The following PKP4 variants were observed in gnomAD, a reference collection of about 807,000 sequenced individuals.
PKP4 encodes the protein plakophilin 4.
In PKP4, 90 loss-of-function variants were observed where a neutral mutation model predicts 145.1. The ratio of observed to expected loss-of-function variants is 0.62; its 90% confidence interval spans 0.52 to 0.74. PKP4 has a LOEUF of 0.74. Ranked by LOEUF, PKP4 falls within the 30% of genes least tolerant of loss-of-function variation. The pLI is 0.00. For missense variants in PKP4, 1,340 were observed against 1,482.7 expected (o/e 0.90, Z 1.58); for synonymous variants, 563 against 577.2 (o/e 0.98, Z 0.35).
At chr2:158,648,315 C>A (rs541702702) in intron 11 of PKP4, among the ~76,000 whole-genome samples, 169 of 152,216 alleles carry the variant, frequency 1.1e-3, no homozygotes, top group African/African-American at 3.9e-3. Flanking sequence ...TGATCATTAG[C>A]TCCATATTTT....
intron 1 of PKP4, chr2:158,457,757 CG>C (rs1689047734): frequency 1.3e-5 from 2 of 153,728 alleles, no homozygotes; most frequent in Non-Finnish European, 1.4e-5. Context: ...CGCGGTCTTG[CG>C]TTTGTCCCCG....
intron 4 of PKP4, among the ~76,000 whole-genome samples, chr2:158,617,156 T>C (rs961137951): frequency 6.6e-6 from 1 of 152,262 alleles, no homozygotes; most frequent in South Asian, 2.1e-4. Context: ...GACAAGAAAG[T>C]CCATGATTCC....
At chr2:158,502,377 A>G (rs921561810) in intron 1 of PKP4, among the ~76,000 whole-genome samples, 12 of 152,160 alleles carry the variant, frequency 7.9e-5, no homozygotes, top group African/African-American at 2.9e-4. Context: ...GGGATCCCCA[A>G]AAAGTTTCCA....
At chr2:158,465,689 A>G (rs951393169) in intron 1 of PKP4, among the ~76,000 whole-genome samples, 3 of 152,214 alleles carry the variant, frequency 2.0e-5, no homozygotes, top group Non-Finnish European at 2.9e-5. Context: ...GATGTATGCT[A>G]GAATAAATGG....
At chr2:158,528,683 AAAAG>A (rs1559277444) in intron 1 of PKP4, among the ~76,000 whole-genome samples, 1 of 149,910 alleles carries the variant, frequency 6.7e-6, no homozygotes, top group African/African-American at 2.4e-5. Context: ...AAAAAAAAAA[AAAAG>A]AGACCTGGGC....
intron 11 of PKP4, among the ~76,000 whole-genome samples, chr2:158,649,700 T>G (rs764262932): frequency 6.6e-6 from 1 of 152,118 alleles, no homozygotes; most frequent in Non-Finnish European, 1.5e-5. Flanking sequence ...TCTCAGAAGG[T>G]CACTTATAAG....
rs777481444 is a variant in PKP4, at chr2:158,625,297, A to G, written c.1023A>G (p.Ser341=). Residue 341 remains serine, a synonymous_variant, in exon 7 of 22, where the codon TCA becomes TCG. Transcript: ENST00000389759. ...GQVGSSSPKR[S]GMTAVPQHLG... ...TGGGGTCGTCGTCCCCCAAACGCTCAGGGATGACCGCCGTACCACAGCATC... is the reference window on the plus strand; with the variant it reads ...TGGGGTCGTCGTCCCCCAAACGCTCGGGGATGACCGCCGTACCACAGCATC... The G allele has an allele frequency of 2.6e-5, 42 of 1,614,084 alleles. No individual in the cohort carries two copies. In the South Asian group the frequency reaches 4.3e-4, roughly 16 times the overall value.
chr2:158,659,720 A>G (rs1338099869), intron 12 of PKP4: 1 of 152,276 alleles, frequency 6.6e-6, no homozygotes, highest in African/African-American at 2.4e-5. Context: ...GGTTAAGGTA[A>G]AGGTTCTGGA....
At chr2:158,608,996 A>C (rs982603405) in intron 4 of PKP4, among the ~76,000 whole-genome samples, 4 of 150,592 alleles carry the variant, frequency 2.7e-5, no homozygotes, top group Non-Finnish European at 5.9e-5. Context: ...GTTTTTTTTA[A>C]ATTACAGACA....
chr2:158,514,784 C>T (rs1177254641), intron 1 of PKP4, among the ~76,000 whole-genome samples: 2 of 151,922 alleles, frequency 1.3e-5, no homozygotes, highest in Non-Finnish European at 2.9e-5. Context: ...CTACTATAAA[C>T]ACAAAAATTA....
chr2:158,498,479 A>G lies in PKP4; in HGVS notation c.-5-34701A>G, dbSNP rs1172045521. On this transcript the variant is annotated intron_variant, in intron 1 of 21. Transcript: ENST00000389759. The stretch of plus-strand genomic sequence containing the variant: ...AATGTTAACATTTTATCATGTTATC[A>G]GTTTTACATAGTTTTCCAAAAAGGT... Among the ~76,000 whole-genome samples the G allele has an allele frequency of 3.3e-5, 5 of 152,342 alleles. No individual in the cohort carries two copies. The South Asian group carries it at 8.3e-4, about 25-fold the overall frequency.
In PKP4 at chr2:158,528,601, C is replaced by T. The variant is rs536864415; in HGVS notation, c.-5-4579C>T. On this transcript the variant is annotated intron_variant, in intron 1 of 21. Transcript: ENST00000389759. ...TGTATACATATGTAACTAACCTGCA[C>T]AATGTGCACATGTACCCTAGAACTT... Among the ~76,000 whole-genome samples the T allele has an allele frequency of 8.1e-4, 84 of 104,250 alleles. No individual in the cohort carries two copies. The South Asian group carries it at 0.032, about 40-fold the overall frequency. The allele number at this position is 104,250 out of a possible 152,430, so 68.4% of individuals were successfully genotyped here.
intron 4 of PKP4, among the ~76,000 whole-genome samples, chr2:158,609,520 T>A (rs1433026770): frequency 6.6e-6 from 1 of 152,190 alleles, no homozygotes; most frequent in African/African-American, 2.4e-5. Context: ...TTTCTCTACC[T>A]TTTTTCTTAA....
At chr2:158,593,224 C>A (rs1177746065) in intron 3 of PKP4, among the ~76,000 whole-genome samples, 1 of 152,160 alleles carries the variant, frequency 6.6e-6, no homozygotes, top group Non-Finnish European at 1.5e-5. Flanking sequence ...AAGGCCAAAT[C>A]TTTGCCCAAA....
At chr2:158,641,770 A>G (rs1288108617) in intron 10 of PKP4, among the ~76,000 whole-genome samples, 2 of 152,196 alleles carry the variant, frequency 1.3e-5, no homozygotes, top group Non-Finnish European at 1.5e-5. Context: ...AACTCATTCT[A>G]GAAACTAAAT....
At chr2:158,636,892 A>T (rs1342129275) in intron 9 of PKP4, among the ~76,000 whole-genome samples, 1 of 152,128 alleles carries the variant, frequency 6.6e-6, no homozygotes, top group Non-Finnish European at 1.5e-5. Context: ...CTCCTTATAT[A>T]CATCTTTTTC....
At chr2:158,566,347 T>C (rs1453700461) in intron 2 of PKP4, among the ~76,000 whole-genome samples, 2 of 152,148 alleles carry the variant, frequency 1.3e-5, no homozygotes, top group Non-Finnish European at 2.9e-5. Context: ...AAATTGGTCA[T>C]TTATTCTTTT....
intron 6 of PKP4, among the ~76,000 whole-genome samples, chr2:158,622,595 G>A (rs1046945273): frequency 2.0e-5 from 3 of 152,024 alleles, no homozygotes; most frequent in African/African-American, 4.8e-5. Context: ...GGTTCCCAAC[G>A]CCCACAGAGA....
At position 158,676,765 on chromosome 2, in the gene PKP4, C is replaced by CTGTT; in HGVS notation, c.3155_3158dup (p.Leu1053PhefsTer10). The CTGTT allele has an allele frequency of 3.7e-6, 6 of 1,614,120 alleles. No homozygotes were observed. The highest frequency in any genetic ancestry group is 4.2e-6 in the Non-Finnish European group (5 of 1,179,970). On this transcript the variant is annotated frameshift_variant, in exon 20 of 22. Coordinates refer to ENST00000389759, the MANE Select transcript of PKP4 (RefSeq NM_003628.6). LOFTEE classifies it high-confidence loss of function. ...CGGCAGCACCTCTTCCTCACCAGCA[C>CTGTT]TGTTAGGAATCAGAGACCCTCGCTC...
Sources: gnomAD v4.1 joint callset for allele counts (sites outside exome capture counted in the v4.1 genomes callset) on GRCh38, gnomAD v4.1.1 for gene constraint, MANE v1.5 for transcripts, NCBI Gene and HGNC (gene_info 2026-07-23, HGNC 2026-07-21) for gene names.